The following PCCA variants were observed in gnomAD, a reference collection of about 807,000 sequenced individuals.
PCCA encodes the protein propionyl-CoA carboxylase alpha chain, mitochondrial.
PCCA carries 74 observed loss-of-function variants against 101.3 expected under a neutral mutation model. That is an observed-to-expected ratio of 0.73 (90% CI 0.61 to 0.89). The LOEUF (loss-of-function observed/expected upper bound fraction) is 0.89, where lower values mean the gene tolerates loss of function less well. Among genes scored for constraint, PCCA ranks in the 40% least tolerant of loss-of-function variants. PCCA has a pLI of 0.00. For synonymous variants in PCCA, 294 were observed against 313.6 expected (o/e 0.94, Z 0.66); for missense variants, 891 against 907.0 (o/e 0.98, Z 0.23).
rs139358006 is a variant in PCCA, at chr13:100,130,888, C to T, written c.300+18827C>T. Among the ~76,000 whole-genome samples, 708 of 152,132 alleles carry T rather than the reference C, an allele frequency of 4.7e-3. 3 individuals are homozygous for T. Among genetic ancestry groups the T allele is most frequent in the Non-Finnish European group, 6.2e-3 (424 of 68,006 alleles). On this transcript the variant is annotated intron_variant, in intron 4 of 23. Coordinates refer to ENST00000376285, the MANE Select transcript of PCCA (RefSeq NM_000282.4). ...TTACACAACCTATTTGTGAAGGTTTCGTGTAATTTTTCTTTTCAGTAAGAA... is the reference window on the plus strand; with the variant it reads ...TTACACAACCTATTTGTGAAGGTTTTGTGTAATTTTTCTTTTCAGTAAGAA...
At chr13:100,517,677 G>T (rs541318706) in intron 22 of PCCA, among the ~76,000 whole-genome samples, 3 of 152,272 alleles carry the variant, frequency 2.0e-5, no homozygotes, top group Non-Finnish European at 2.9e-5. Context: ...GGCTGCTCAG[G>T]TGGGGCGTAT....
At chr13:100,178,608 G>T (rs983146957) in intron 6 of PCCA, among the ~76,000 whole-genome samples, 3 of 152,174 alleles carry the variant, frequency 2.0e-5, no homozygotes, top group Non-Finnish European at 2.9e-5. Context: ...AGAAGGATAG[G>T]AGGTTCAGGC....
At chr13:100,384,644 A>G (rs911709054) in intron 19 of PCCA, among the ~76,000 whole-genome samples, 5 of 152,222 alleles carry the variant, frequency 3.3e-5, no homozygotes, top group Non-Finnish European at 7.4e-5. Flanking sequence ...TTCAAAAAAT[A>G]GAACATTATT....
At chr13:100,307,171 T>G (rs1595235292) in intron 14 of PCCA, 21 bp from the exon 15 acceptor site, 4 of 1,581,560 alleles carry the variant, frequency 2.5e-6, no homozygotes, top group South Asian at 1.1e-5. Context: ...TTACTTTTCT[T>G]TTTTTCTTTT....
chr13:100,369,279 A>G (rs2075411932), intron 19 of PCCA, among the ~76,000 whole-genome samples: 1 of 152,176 alleles, frequency 6.6e-6, no homozygotes, highest in South Asian at 2.1e-4. Flanking sequence ...GTTTATCTAC[A>G]TTTCTCTTCT....
chr13:100,162,957 A>G (rs532585145), intron 6 of PCCA, among the ~76,000 whole-genome samples: 1 of 152,344 alleles, frequency 6.6e-6, no homozygotes, highest in South Asian at 2.1e-4. Context: ...ATTATGACAG[A>G]ATATCTTTTG....
intron 16 of PCCA, among the ~76,000 whole-genome samples, chr13:100,312,596 A>T (rs1005739128): frequency 6.6e-6 from 1 of 152,254 alleles, no homozygotes; most frequent in Non-Finnish European, 1.5e-5. Context: ...TTTCCTATAG[A>T]GTTAAAAAAC....
chr13:100,479,931 C>A (rs1268463932), intron 21 of PCCA, among the ~76,000 whole-genome samples: 1 of 152,132 alleles, frequency 6.6e-6, no homozygotes, highest in Non-Finnish European at 1.5e-5. Context: ...GGAGAAGGTA[C>A]CCCCTTGCCT....
At chr13:100,514,292 C>T (rs2152997382) in intron 21 of PCCA, among the ~76,000 whole-genome samples, 1 of 152,262 alleles carries the variant, frequency 6.6e-6, no homozygotes, top group East Asian at 1.9e-4. Flanking sequence ...AAGCTCTGCC[C>T]CCACCCTTTT....
intron 21 of PCCA, among the ~76,000 whole-genome samples, chr13:100,499,882 T>C (rs1042803011): frequency 3.3e-5 from 5 of 151,208 alleles, no homozygotes; most frequent in African/African-American, 1.2e-4. Flanking sequence ...GAGACTTTTT[T>C]TGGAGGTGCT....
intron 19 of PCCA, among the ~76,000 whole-genome samples, chr13:100,384,827 CT>C (rs1052012365): frequency 6.6e-6 from 1 of 151,882 alleles, no homozygotes; most frequent in Admixed American, 6.6e-5. Context: ...GAAAAAGAAC[CT>C]TTTTTTCCCT....
At chr13:100,256,570 T>G (rs1047059361) in intron 8 of PCCA, among the ~76,000 whole-genome samples, 5 of 152,186 alleles carry the variant, frequency 3.3e-5, no homozygotes, top group African/African-American at 9.7e-5. Context: ...AGGAAGCAGG[T>G]GCCATTTTAA....
intron 1 of PCCA, among the ~76,000 whole-genome samples, chr13:100,089,896 G>T (rs1399401557): frequency 2.0e-5 from 3 of 152,162 alleles, no homozygotes; most frequent in Non-Finnish European, 4.4e-5. Context: ...AGGCTGTCAT[G>T]ATGGCAGATT....
intron 4 of PCCA, among the ~76,000 whole-genome samples, chr13:100,132,887 C>T (rs1191724273): frequency 6.6e-6 from 1 of 152,134 alleles, no homozygotes; most frequent in Non-Finnish European, 1.5e-5. Context: ...GATTCTCCTG[C>T]CTCAGCGTCC....
At chr13:100,091,741 G>C (rs969906286) in intron 1 of PCCA, among the ~76,000 whole-genome samples, 3 of 152,084 alleles carry the variant, frequency 2.0e-5, no homozygotes, top group Admixed American at 6.5e-5. Context: ...TTTATTTTTA[G>C]GGTATATGTA....
At chr13:100,524,686 A>T (rs1594141502) in intron 22 of PCCA, among the ~76,000 whole-genome samples, 1 of 152,176 alleles carries the variant, frequency 6.6e-6, no homozygotes, top group East Asian at 1.9e-4. Flanking sequence ...AGCCTGGCCA[A>T]TGTGGTAATA....
chr13:100,444,127 A>G (rs142017276), intron 20 of PCCA, among the ~76,000 whole-genome samples: 1,944 of 152,054 alleles, frequency 0.013, 23 homozygotes, highest in South Asian at 0.056. Context: ...GAACTGCTTA[A>G]CATTCCCTAA....
chr13:100,212,730 T>G (rs1400015887), intron 7 of PCCA, among the ~76,000 whole-genome samples: 1 of 152,168 alleles, frequency 6.6e-6, no homozygotes, highest in Non-Finnish European at 1.5e-5. Flanking sequence ...ACAAACAGTC[T>G]AATATACTTT....
chr13:100,221,800 C>T (rs1367278112), intron 7 of PCCA, among the ~76,000 whole-genome samples: 7 of 132,918 alleles, frequency 5.3e-5, no homozygotes, highest in African/African-American at 1.8e-4. Context: ...TGCAGTGGTG[C>T]GATCTCAGCT....
Sources: gnomAD v4.1 joint callset for allele counts (sites outside exome capture counted in the v4.1 genomes callset) on GRCh38, gnomAD v4.1.1 for gene constraint, MANE v1.5 for transcripts, NCBI Gene and HGNC (gene_info 2026-07-23, HGNC 2026-07-21) for gene names.